The following CACNA1G variants were observed in gnomAD, a reference collection of about 807,000 sequenced individuals.
The protein encoded by CACNA1G is voltage-dependent T-type calcium channel subunit alpha-1G.
In CACNA1G, 67 loss-of-function variants were observed where a neutral mutation model predicts 219.4. The ratio of observed to expected loss-of-function variants is 0.31; its 90% CI spans 0.25 to 0.37. CACNA1G has a LOEUF of 0.37. Among genes scored for constraint, CACNA1G ranks in the 10% least tolerant of loss-of-function variants. The pLI is 1.00. For missense variants in CACNA1G, 2,380 were observed against 3,231.4 expected (o/e 0.74, Z 6.39); for synonymous variants, 1,296 against 1,345.3 (o/e 0.96, Z 0.80).
Position 50,626,621 on chromosome 17 carries a change from C to T in CACNA1G, c.7004C>T (p.Ala2335Val). 1 of 1,612,984 alleles carries T rather than the reference C, an allele frequency of 6.2e-7. No homozygotes were observed. Among genetic ancestry groups the T allele is most frequent in the East Asian group, 2.2e-5 (1 of 44,834 alleles). Residue 2335 changes from alanine (A) to valine (V), a missense_variant, in exon 38 of 38, where the codon GCT becomes GTT. Around this residue, in one of 17 missense-constraint regions of CACNA1G, gnomAD observed 672 missense variants for 670.5 expected, o/e 1.00. Coordinates refer to ENST00000359106, the MANE Select transcript of CACNA1G (RefSeq NM_018896.5). This position sits in a 1 kb window ranked among gnomAD's most constrained non-coding sequence, Gnocchi z 4.3. ...CCTGGTATCTGCCTCCGGAGGAGGG[C>T]TCCGTCCAGCGACTCCAAGGATCCC... ...PSPGICLRRR[A>V]PSSDSKDPLA... is the part of the protein sequence containing the mutation.
rs1425531156 is a variant in CACNA1G, at chr17:50,618,419, T to C, written c.5427+76T>C. The C allele has an allele frequency of 3.8e-6, 6 of 1,573,816 alleles. No homozygotes were observed. Among genetic ancestry groups the C allele is most frequent in the Non-Finnish European group, 5.2e-6 (6 of 1,151,030 alleles). On this transcript the variant is annotated intron_variant, in intron 32 of 37. Transcript: ENST00000359106. This position sits in a 1 kb window ranked among gnomAD's most constrained non-coding sequence, Gnocchi z 5.3. ...AGCTAGGATTCCTTGGGAAGATGAA[T>C]TGGCCACAAATAAAAGCATGTGACC...
intron 13 of CACNA1G, among the ~76,000 whole-genome samples, chr17:50,593,208 G>A (rs935778654): frequency 3.3e-5 from 5 of 152,168 alleles, no homozygotes; most frequent in African/African-American, 1.2e-4. Context: ...GGGGTTCCCT[G>A]AGGCCTGAAG....
Position 50,596,673 on chromosome 17 carries a change from T to G in CACNA1G, c.3064+27T>G. The G allele has an allele frequency of 1.2e-6, 2 of 1,613,642 alleles. No homozygotes were observed. The highest frequency in any genetic ancestry group is 1.7e-6 in the Non-Finnish European group (2 of 1,179,700). On this transcript the variant is annotated intron_variant, in intron 15 of 37. Coordinates refer to ENST00000359106, the MANE Select transcript of CACNA1G (RefSeq NM_018896.5). This position sits in a 1 kb window ranked among gnomAD's most constrained non-coding sequence, Gnocchi z 4.8. ...TGAGTACCTATCCTGGGGTGCGACTTTTGGCCCTGGGCCAGCCCTGTGTGG... is the reference window on the plus strand; with the variant it reads ...TGAGTACCTATCCTGGGGTGCGACTGTTGGCCCTGGGCCAGCCCTGTGTGG...
chr17:50,568,858 G>T lies in CACNA1G; in HGVS notation c.243-12G>T. The T allele has an allele frequency of 6.2e-7, 1 of 1,610,934 alleles. No homozygotes were observed. On this transcript the variant is annotated splice_polypyrimidine_tract_variant and intron_variant, in intron 1 of 37. Transcript: ENST00000359106. ...TCCAGCCTTGGCCAGCTGTTTCCTTGACTGCCAGTACCTGGTTTGAGCGCA... is the reference window on the plus strand; with the variant it reads ...TCCAGCCTTGGCCAGCTGTTTCCTTTACTGCCAGTACCTGGTTTGAGCGCA...
At chr17:50,602,242 G>A (rs4793664) in intron 19 of CACNA1G, among the ~76,000 whole-genome samples, 56 of 152,120 alleles carry the variant, frequency 3.7e-4, no homozygotes, top group Non-Finnish European at 6.6e-4. Flanking sequence ...CACCCTGCCC[G>A]CCACCTCTCT....
At chr17:50,604,104 G>A (rs371445170) in intron 21 of CACNA1G, 51 bp from the exon 22 acceptor site, 12 of 1,581,182 alleles carry the variant, frequency 7.6e-6, no homozygotes, top group Non-Finnish European at 1.0e-5. Context: ...AGGGACAAGG[G>A]AGGGTCTGGG....
chr17:50,592,359 A>T (rs2044505678), intron 13 of CACNA1G, among the ~76,000 whole-genome samples: 1 of 152,062 alleles, frequency 6.6e-6, no homozygotes, highest in Admixed American at 6.5e-5. Flanking sequence ...AGTTGGCTAG[A>T]CCCCTTCCCC....
In CACNA1G at chr17:50,561,251, G is replaced by A. The variant is rs2035510248; in HGVS notation, c.-209G>A. 1.8e-6 allele frequency: 1 copy of A among 562,810 alleles called. No individual in the cohort carries two copies. The highest frequency in any genetic ancestry group is 3.1e-6 in the Non-Finnish European group (1 of 325,656). 34.9% of individuals were successfully genotyped at this position (562,810 alleles called of 1,614,324 possible). A position where few individuals can be genotyped will look rare whatever the true frequency, so the allele number is the denominator to read the frequency against. ...GGGGAAGCGGGACTCGCGCCGGGCG[G>A]GGTTTCCCTGCGCCCCGGCGCCCCG... On this transcript the variant is annotated 5_prime_UTR_variant, in exon 1 of 38. Coordinates refer to ENST00000359106, the MANE Select transcript of CACNA1G (RefSeq NM_018896.5).
At chr17:50,601,866 T>C (rs527287150) in intron 19 of CACNA1G, among the ~76,000 whole-genome samples, 20 of 152,048 alleles carry the variant, frequency 1.3e-4, no homozygotes, top group Non-Finnish European at 2.5e-4. Context: ...TGCTTAGAGG[T>C]GGCCAGGGTT....
At chr17:50,619,608 A>G in intron 33 of CACNA1G, 75 bp from the exon 34 acceptor site, 1 of 1,443,880 alleles carries the variant, frequency 6.9e-7, no homozygotes, top group Non-Finnish European at 9.4e-7. Context: ...ATCCCCTTCC[A>G]CGACACTTCC....
intron 26 of CACNA1G, 150 bp downstream of exon 26, chr17:50,610,085 A>G (rs1013157378): frequency 5.1e-5 from 38 of 744,020 alleles, no homozygotes; most frequent in Non-Finnish European, 8.0e-5. Flanking sequence ...GCTCTGCAGC[A>G]TCCCGCAGGC....
At chr17:50,614,531 G>C (rs1438361231) in intron 26 of CACNA1G, among the ~76,000 whole-genome samples, 1 of 152,228 alleles carries the variant, frequency 6.6e-6, no homozygotes, top group African/African-American at 2.4e-5. Context: ...TGCCTCCTTG[G>C]CAGCCCAACC....
chr17:50,572,999 C>T (rs759217491), intron 6 of CACNA1G, 22 bp from the exon 7 acceptor site: 1 of 1,570,332 alleles, frequency 6.4e-7, no homozygotes, highest in Non-Finnish European at 8.7e-7. Flanking sequence ...CCATAGTCAG[C>T]CTGCCCCTCT....
In CACNA1G at chr17:50,617,962, G is replaced by A. The variant is rs1159988623; in HGVS notation, c.5226+33G>A. ...GGAGGTGGGGGGCCTCTGGGGAGGG[G>A]GAGGTGCTTTCCAGAGGGAAGGGGC... On this transcript the variant is annotated intron_variant, in intron 30 of 37. Transcript: ENST00000359106. The surrounding 1 kb of genome is among the most constrained non-coding windows in gnomAD (Gnocchi z 5.8). The A allele has an allele frequency of 1.2e-6, 2 of 1,612,806 alleles. No individual in the cohort carries two copies. The highest frequency in any genetic ancestry group is 1.7e-6 in the Non-Finnish European group (2 of 1,178,972).
intron 19 of CACNA1G, among the ~76,000 whole-genome samples, chr17:50,602,130 T>A (rs1355415334): frequency 6.6e-6 from 1 of 152,192 alleles, no homozygotes; most frequent in Non-Finnish European, 1.5e-5. Context: ...TCTGTCACCA[T>A]GTCACTGTCT....
intron 13 of CACNA1G, 100 bp from the exon 14 acceptor site, chr17:50,594,893 C>A: frequency 1.2e-6 from 1 of 828,750 alleles, no homozygotes; most frequent in Non-Finnish European, 2.0e-6. Context: ...GTGGGGTTTG[C>A]GCCCCTCCTT....
Position 50,596,463 on chromosome 17 carries a change from C to T in CACNA1G, c.2980-99C>T. ...TGCCGTGGTTGCTGGTTCCTGTGGC[C>T]TATATGTGGTGTGCGTGTGTGAAGA... is the stretch of plus-strand genomic sequence containing the variant. On this transcript the variant is annotated intron_variant, in intron 14 of 37. Transcript: ENST00000359106. The surrounding 1 kb of genome is among the most constrained non-coding windows in gnomAD (Gnocchi z 4.8). 1.1e-6 allele frequency: 1 copy of T among 930,818 alleles called. No individual in the cohort carries two copies. The highest frequency in any genetic ancestry group is 1.7e-6 in the Non-Finnish European group (1 of 575,544). The allele number at this position is 930,818 out of a possible 1,614,324, so 57.7% of individuals were successfully genotyped here. A position where few individuals can be genotyped will look rare whatever the true frequency, so the allele number is the denominator to read the frequency against.
At position 50,589,267 on chromosome 17, in the gene CACNA1G, A is replaced by G. The variant is rs144829232; in HGVS notation, c.2302-1204A>G. Among the ~76,000 whole-genome samples the G allele has an allele frequency of 5.9e-3, 889 of 151,928 alleles. 10 individuals are homozygous for G. Among genetic ancestry groups the G allele is most frequent in the African/African-American group, 0.021 (853 of 41,392 alleles). On this transcript the variant is annotated intron_variant, in intron 9 of 37. Transcript: ENST00000359106. Reference sequence around the variant, plus strand: ...CCCCACCCCGTGCCACACCACCTAGACCCTTGGCTGGGGAGACTCCACAAA... The same window carrying G: ...CCCCACCCCGTGCCACACCACCTAGGCCCTTGGCTGGGGAGACTCCACAAA...
chr17:50,625,602 G>A (rs1022767370), intron 37 of CACNA1G, among the ~76,000 whole-genome samples: 1 of 152,196 alleles, frequency 6.6e-6, no homozygotes, highest in Non-Finnish European at 1.5e-5. Context: ...GAGAACCTGA[G>A]TCCGTAAAAT....
Sources: gnomAD v4.1 joint callset for allele counts (sites outside exome capture counted in the v4.1 genomes callset) on GRCh38, gnomAD v4.1.1 for gene constraint, gnomAD v4.1.1 regional missense constraint, Gnocchi (gnomAD v3.1) non-coding constraint, MANE v1.5 for transcripts, NCBI Gene and HGNC (gene_info 2026-07-23, HGNC 2026-07-21) for gene names.